Variants in GABRB3 observed in about 807,000 individuals in gnomAD.
The protein encoded by GABRB3 is gamma-aminobutyric acid type A receptor subunit beta3, also known as gamma-aminobutyric acid receptor subunit beta-3.
A neutral mutation model predicts 52.1 loss-of-function variants in GABRB3; 14 were observed. That is an observed-to-expected ratio of 0.27 (90% CI 0.18 to 0.42). The LOEUF is 0.42. Among genes scored for constraint, GABRB3 ranks in the 10% least tolerant of loss-of-function variants. The pLI is 1.00. For missense variants in GABRB3, 307 were observed against 609.1 expected, an observed-to-expected ratio of 0.50 and a Z score of 5.22; for synonymous variants, 260 against 232.3, an observed-to-expected ratio of 1.12 and a Z score of -1.08.
intron 3 of GABRB3, among the ~76,000 whole-genome samples, chr15:26,750,882 C>G (rs1890487315): frequency 6.6e-6 from 1 of 152,154 alleles, no homozygotes; most frequent in Non-Finnish European, 1.5e-5. Context: ...AACTCAGTTT[C>G]TATCATGAAT....
chr15:26,664,544 A>AATTT (rs140193127), intron 3 of GABRB3, among the ~76,000 whole-genome samples: 3 of 151,848 alleles, frequency 2.0e-5, no homozygotes, highest in Non-Finnish European at 4.4e-5. Context: ...TATTAAAAGC[A>AATTT]ATTTATTTAT....
intron 3 of GABRB3, among the ~76,000 whole-genome samples, chr15:26,763,386 G>A (rs1890873119): frequency 6.6e-6 from 1 of 151,986 alleles, no homozygotes. Flanking sequence ...TTACTGCAAG[G>A]GCCATTGACT....
chr15:26,670,593 C>A (rs772743911), intron 3 of GABRB3, among the ~76,000 whole-genome samples: 18 of 152,180 alleles, frequency 1.2e-4, no homozygotes, highest in African/African-American at 4.3e-4. Context: ...TCCGGCCGGG[C>A]TTTCCATACC....
intron 4 of GABRB3, among the ~76,000 whole-genome samples, chr15:26,611,480 G>T (rs572723313): frequency 6.6e-6 from 1 of 152,006 alleles, no homozygotes; most frequent in Non-Finnish European, 1.5e-5. Context: ...TATAAAATAC[G>T]CCAAAGAAGA....
chr15:26,763,561 T>G (rs940449430), intron 3 of GABRB3, among the ~76,000 whole-genome samples: 2 of 151,414 alleles, frequency 1.3e-5, no homozygotes, highest in African/African-American at 4.9e-5. Flanking sequence ...CAATAAATTA[T>G]CCGAATTGGT....
chr15:26,597,410 A>G (rs528101692), intron 4 of GABRB3, among the ~76,000 whole-genome samples: 1 of 152,310 alleles, frequency 6.6e-6, no homozygotes, highest in African/African-American at 2.4e-5. Context: ...GCATACAAGG[A>G]GTAATGGTGC....
intron 6 of GABRB3, chr15:26,569,266 T>C (rs1025749467): frequency 6.6e-6 from 1 of 152,146 alleles, no homozygotes; most frequent in African/African-American, 2.4e-5. Context: ...TCAACCACAT[T>C]TGCAGCCAGG....
intron 4 of GABRB3, chr15:26,612,383 A>T (rs1892102959): frequency 6.6e-6 from 1 of 150,660 alleles, no homozygotes; most frequent in Admixed American, 6.6e-5. Flanking sequence ...CAGACTGACT[A>T]GATATAATTT....
intron 4 of GABRB3, among the ~76,000 whole-genome samples, chr15:26,593,118 C>G (rs532571868): frequency 3.6e-4 from 55 of 152,094 alleles, no homozygotes; most frequent in Admixed American, 2.2e-3. Flanking sequence ...GTCTGGATGA[C>G]CCTATTTTGA....
intron 3 of GABRB3, among the ~76,000 whole-genome samples, chr15:26,682,564 T>C (rs1657993663): frequency 6.6e-6 from 1 of 152,190 alleles, no homozygotes; most frequent in Admixed American, 6.5e-5. Flanking sequence ...CTTGTGCTGG[T>C]AGGAGCCTGA....
chr15:26,580,648 T>C, intron 5 of GABRB3, 192 bp from the exon 6 acceptor site: 4 of 754,770 alleles, frequency 5.3e-6, no homozygotes, highest in Non-Finnish European at 8.9e-6. Flanking sequence ...GCCATTTTAT[T>C]TGTACCAGGT....
intron 3 of GABRB3, among the ~76,000 whole-genome samples, chr15:26,710,685 C>T (rs891819598): frequency 1.3e-5 from 2 of 152,190 alleles, no homozygotes; most frequent in Non-Finnish European, 2.9e-5. Flanking sequence ...TATAAAGACT[C>T]CAATTTCTCC....
At chr15:26,679,210 G>A (rs1199861170) in intron 3 of GABRB3, among the ~76,000 whole-genome samples, 1 of 152,088 alleles carries the variant, frequency 6.6e-6, no homozygotes, top group East Asian at 1.9e-4. Context: ...TCTTTTGGGG[G>A]GAAAGTCCCT....
At chr15:26,667,015 G>GCA (rs71130265) in intron 3 of GABRB3, among the ~76,000 whole-genome samples, 41,736 of 151,986 alleles carry the variant, frequency 0.27, 5,852 homozygotes, top group Middle Eastern at 0.38. Context: ...CCACCCCCGT[G>GCA]CACACCAATT....
intron 3 of GABRB3, among the ~76,000 whole-genome samples, chr15:26,651,645 T>C (rs772976244): frequency 6.6e-6 from 1 of 152,164 alleles, no homozygotes; most frequent in Non-Finnish European, 1.5e-5. Flanking sequence ...CTGACCTTTT[T>C]TTCTCTTGCC....
At chr15:26,704,366 T>C (rs1889030037) in intron 3 of GABRB3, among the ~76,000 whole-genome samples, 1 of 152,210 alleles carries the variant, frequency 6.6e-6, no homozygotes, top group African/African-American at 2.4e-5. Context: ...TGGGAAGTCC[T>C]TGAACCTCTC....
chr15:26,702,827 G>C, intron 3 of GABRB3, among the ~76,000 whole-genome samples: 1 of 152,306 alleles, frequency 6.6e-6, no homozygotes, highest in Middle Eastern at 3.4e-3. Flanking sequence ...CATTTAGGCA[G>C]TTACAACGAA....
intron 3 of GABRB3, among the ~76,000 whole-genome samples, chr15:26,752,042 A>C (rs542281022): frequency 2.0e-5 from 3 of 152,236 alleles, no homozygotes; most frequent in Admixed American, 1.3e-4. Context: ...ATTTTTTAAA[A>C]GTCAACAACC....
In GABRB3 at chr15:26,629,326, A is replaced by G. The variant is rs1892841761; in HGVS notation, c.241-7792T>C. 1.1e-5 allele frequency: 7 copies of G among 622,352 alleles called. No individual in the cohort carries two copies. In the South Asian group the frequency reaches 1.3e-4, roughly 11 times the overall value. 38.6% of individuals were successfully genotyped at this position (622,352 alleles called of 1,614,324 possible). A position where few individuals can be genotyped will look rare whatever the true frequency, so the allele number is the denominator to read the frequency against. On this transcript the variant is annotated intron_variant, in intron 3 of 8. Transcript: ENST00000311550. ...CGGAAAAGGCGTGGCCCAGCTCAGG[A>G]GCCTGGCGGGCAAGCTCCTCCCTGT... is the stretch of plus-strand genomic sequence containing the variant.
Sources: gnomAD v4.1 joint callset for allele counts (sites outside exome capture counted in the v4.1 genomes callset) on GRCh38, gnomAD v4.1.1 for gene constraint, MANE v1.5 for transcripts, NCBI Gene and HGNC (gene_info 2026-07-23, HGNC 2026-07-21) for gene names.